Variants in SCHIP1 observed in about 807,000 individuals in gnomAD.
The protein encoded by SCHIP1 is schwannomin-interacting protein 1.
Under a neutral mutation model 29.7 loss-of-function variants are expected in SCHIP1, and 8 were observed. That is an observed-to-expected ratio of 0.27 (90% CI 0.16 to 0.49). SCHIP1 has a LOEUF of 0.49. Among genes scored for constraint, SCHIP1 ranks in the 20% least tolerant of loss-of-function variants. SCHIP1 has a pLI of 0.99. For synonymous variants in SCHIP1, 76 were observed against 94.9 expected (o/e 0.80, Z 1.16); for missense variants, 193 against 294.6 (o/e 0.66, Z 2.52).
the SCHIP1 span, among the ~76,000 whole-genome samples, chr3:159,822,251 T>A: frequency 6.6e-6 from 1 of 152,030 alleles, no homozygotes; most frequent in Non-Finnish European, 1.5e-5. Context: ...CAAGTGAGAA[T>A]AATTGATTGA....
the SCHIP1 span, among the ~76,000 whole-genome samples, chr3:159,308,673 A>T: frequency 6.6e-6 from 1 of 152,216 alleles, no homozygotes; most frequent in Non-Finnish European, 1.5e-5. Flanking sequence ...TATATACCCA[A>T]AAGAAAATAA....
chr3:159,616,336 A>G, the SCHIP1 span, among the ~76,000 whole-genome samples: 1 of 152,218 alleles, frequency 6.6e-6, no homozygotes, highest in South Asian at 2.1e-4. Context: ...TCCTGACCTC[A>G]AGTGATCCGC....
chr3:159,383,071 G>A, the SCHIP1 span, among the ~76,000 whole-genome samples: 1 of 149,822 alleles, frequency 6.7e-6, no homozygotes, highest in African/African-American at 2.5e-5. Context: ...TGTTCACTCT[G>A]ACGGTAGCTT....
the SCHIP1 span, among the ~76,000 whole-genome samples, chr3:159,648,289 G>A: frequency 6.6e-6 from 1 of 152,114 alleles, no homozygotes; most frequent in African/African-American, 2.4e-5. Flanking sequence ...TGACATTCAG[G>A]CAGGAAATAG....
chr3:159,460,420 C>T, the SCHIP1 span, among the ~76,000 whole-genome samples: 1 of 152,156 alleles, frequency 6.6e-6, no homozygotes, highest in African/African-American at 2.4e-5. Flanking sequence ...ATAAATCTAC[C>T]TGGAAAAGCT....
the SCHIP1 span, among the ~76,000 whole-genome samples, chr3:159,383,080 T>C: frequency 2.0e-5 from 3 of 149,982 alleles, no homozygotes; most frequent in African/African-American, 7.4e-5. Context: ...TGACGGTAGC[T>C]TCTTTTGCTG....
At chr3:159,344,474 A>G in the SCHIP1 span, among the ~76,000 whole-genome samples, 54 of 152,298 alleles carry the variant, frequency 3.5e-4, 2 homozygotes, top group South Asian at 0.011. Context: ...TATTGGGGGT[A>G]TTTACTCTTA....
At chr3:159,288,850 TAGTCAG>T in the SCHIP1 span, among the ~76,000 whole-genome samples, 1 of 152,088 alleles carries the variant, frequency 6.6e-6, no homozygotes, top group Middle Eastern at 3.2e-3. Flanking sequence ...GTGGTGAGGG[TAGTCAG>T]ATTTTTGTTG....
chr3:159,369,360 C>T, the SCHIP1 span, among the ~76,000 whole-genome samples: 3 of 151,920 alleles, frequency 2.0e-5, no homozygotes, highest in African/African-American at 7.3e-5. Flanking sequence ...GCCAATTTAG[C>T]AATATTGTTA....
At chr3:159,854,402 A>G (rs1713064439) in intron 1 of SCHIP1, among the ~76,000 whole-genome samples, 1 of 152,010 alleles carries the variant, frequency 6.6e-6, no homozygotes, top group Non-Finnish European at 1.5e-5. Flanking sequence ...GAGTGTGGGG[A>G]CTGTTTTAAG....
the SCHIP1 span, among the ~76,000 whole-genome samples, chr3:159,693,981 C>T: frequency 6.6e-6 from 1 of 152,164 alleles, no homozygotes; most frequent in Non-Finnish European, 1.5e-5. Context: ...TTGTACTTTA[C>T]TCAGCCTGTG....
chr3:159,759,589 G>A, the SCHIP1 span, among the ~76,000 whole-genome samples: 1 of 152,166 alleles, frequency 6.6e-6, no homozygotes, highest in African/African-American at 2.4e-5. Flanking sequence ...TGGTCATAAA[G>A]TTGGTTAGAG....
At chr3:159,499,599 G>A in the SCHIP1 span, among the ~76,000 whole-genome samples, 4 of 152,162 alleles carry the variant, frequency 2.6e-5, no homozygotes, top group Non-Finnish European at 5.9e-5. Flanking sequence ...GCATCACCTG[G>A]GAATTTGTTA....
At chr3:159,303,893 G>C in the SCHIP1 span, among the ~76,000 whole-genome samples, 1 of 151,646 alleles carries the variant, frequency 6.6e-6, no homozygotes, top group Admixed American at 6.6e-5. Context: ...TTAAGTTTTA[G>C]GGTACATGTG....
intron 2 of SCHIP1, among the ~76,000 whole-genome samples, chr3:159,870,340 A>G (rs963496268): frequency 2.6e-5 from 4 of 151,938 alleles, no homozygotes; most frequent in Non-Finnish European, 5.9e-5. Flanking sequence ...CCCATTTCAG[A>G]TGATGTTAAT....
chr3:159,807,155 G>A, the SCHIP1 span, among the ~76,000 whole-genome samples: 1 of 152,196 alleles, frequency 6.6e-6, no homozygotes, highest in Admixed American at 6.5e-5. Context: ...TAAGGATTTT[G>A]TTCAGTCAGT....
At chr3:159,639,996 G>T in the SCHIP1 span, among the ~76,000 whole-genome samples, 7 of 152,130 alleles carry the variant, frequency 4.6e-5, no homozygotes, top group Non-Finnish European at 7.3e-5. Flanking sequence ...TAAAGATTAT[G>T]ATTTGTATCT....
the SCHIP1 span, among the ~76,000 whole-genome samples, chr3:159,436,551 T>C: frequency 1.3e-5 from 2 of 152,190 alleles, no homozygotes; most frequent in Non-Finnish European, 2.9e-5. Context: ...TTTTTCCAAA[T>C]ACTAATGGCT....
chr3:159,401,174 C>T, the SCHIP1 span: 2 of 977,788 alleles, frequency 2.0e-6, no homozygotes, highest in Non-Finnish European at 2.4e-6. Context: ...TATCTCCATA[C>T]CCAATAATAT....
Sources: allele counts gnomAD v4.1 joint callset (sites outside exome capture counted in the v4.1 genomes callset), GRCh38; gene constraint gnomAD v4.1.1; transcripts MANE v1.5; gene names NCBI Gene and HGNC (gene_info 2026-07-23, HGNC 2026-07-21).